PCDH7: variants seen among roughly 807,000 people sequenced by gnomAD.
PCDH7 encodes the protein protocadherin-7.
Under a neutral mutation model 58.9 loss-of-function variants are expected in PCDH7, and 17 were observed. The observed-to-expected ratio is 0.29, with a 90% CI of 0.20 to 0.43. The LOEUF is 0.43. Ranked by LOEUF, PCDH7 falls within the 20% of genes least tolerant of loss-of-function variation. The pLI is 1.00. For synonymous variants in PCDH7, 664 were observed against 616.4 expected, an observed-to-expected ratio of 1.08 and a Z score of -1.14; for missense variants, 1,274 against 1,441.0, an observed-to-expected ratio of 0.88 and a Z score of 1.88.
rs150911064 is a variant in PCDH7, at chr4:31,024,140, A to G, written c.*7+73925A>G. Among the ~76,000 whole-genome samples, 794 of 152,308 alleles carry G rather than the reference A, an allele frequency of 5.2e-3. 4 individuals are homozygous for G. Among genetic ancestry groups the G allele is most frequent in the Middle Eastern group, 0.027 (8 of 294 alleles). Reference sequence around the variant, plus strand: ...GTGTTTGAGGAAAGATATACTCCAGAAAAGTGGAGTGGAATAGAGAACTGT... The same window carrying G: ...GTGTTTGAGGAAAGATATACTCCAGGAAAGTGGAGTGGAATAGAGAACTGT... On this transcript the variant is annotated intron_variant, in intron 3 of 3. Coordinates refer to the PCDH7 transcript ENST00000509759.
chr4:31,094,329 T>C (rs1384005621), intron 3 of PCDH7, among the ~76,000 whole-genome samples: 1 of 152,192 alleles, frequency 6.6e-6, no homozygotes, highest in East Asian at 1.9e-4. Flanking sequence ...TGAACCCCCA[T>C]CCATTTAGAT....
At chr4:30,920,037 A>C in intron 1 of PCDH7, 116 bp from the exon 2 acceptor site, 1 of 622,378 alleles carries the variant, frequency 1.6e-6, no homozygotes, top group Admixed American at 3.2e-5. Flanking sequence ...ATATCTATTC[A>C]TTTTGTATTG....
At chr4:30,907,710 G>T (rs1232175252) in intron 1 of PCDH7, among the ~76,000 whole-genome samples, 1 of 152,060 alleles carries the variant, frequency 6.6e-6, no homozygotes, top group Non-Finnish European at 1.5e-5. Flanking sequence ...CAAGGATCTG[G>T]AACTAGAATT....
intron 1 of PCDH7, among the ~76,000 whole-genome samples, chr4:30,774,373 A>G (rs1721800937): frequency 6.6e-6 from 1 of 152,194 alleles, no homozygotes; most frequent in Non-Finnish European, 1.5e-5. Flanking sequence ...GTATTACTAA[A>G]TAATAAGTTT....
chr4:31,120,069 T>C (rs997836173), intron 3 of PCDH7, among the ~76,000 whole-genome samples: 1 of 152,066 alleles, frequency 6.6e-6, no homozygotes, highest in Non-Finnish European at 1.5e-5. Flanking sequence ...CTGACTTTCC[T>C]GGTGGGGTGT....
chr4:30,865,589 G>A (rs1439421291), intron 1 of PCDH7, among the ~76,000 whole-genome samples: 6 of 152,054 alleles, frequency 3.9e-5, no homozygotes, highest in Admixed American at 3.3e-4. Flanking sequence ...TAGGCCCTGA[G>A]ATGACAGTTG....
At chr4:30,742,456 C>G (rs1456365632) in intron 1 of PCDH7, among the ~76,000 whole-genome samples, 1 of 152,076 alleles carries the variant, frequency 6.6e-6, no homozygotes, top group African/African-American at 2.4e-5. Context: ...TTCGAAAAAA[C>G]AAATTGATCC....
intron 3 of PCDH7, among the ~76,000 whole-genome samples, chr4:31,067,044 T>C (rs1164169435): frequency 6.6e-6 from 1 of 151,942 alleles, no homozygotes; most frequent in African/African-American, 2.4e-5. Flanking sequence ...GGCCTGGGCT[T>C]TATTCCTTTC....
intron 3 of PCDH7, among the ~76,000 whole-genome samples, chr4:31,129,796 A>AT (rs1461423497): frequency 6.6e-6 from 1 of 151,692 alleles, no homozygotes; most frequent in Non-Finnish European, 1.5e-5. Flanking sequence ...ACCCAGATAA[A>AT]TTTTGTATTT....
chr4:30,979,992 T>A (rs1174248726), intron 3 of PCDH7, among the ~76,000 whole-genome samples: 2 of 152,208 alleles, frequency 1.3e-5, no homozygotes, highest in African/African-American at 4.8e-5. Flanking sequence ...AAGGAATTTT[T>A]GTCACAGTGA....
intron 3 of PCDH7, among the ~76,000 whole-genome samples, chr4:30,982,817 A>T (rs944768844): frequency 6.6e-6 from 1 of 152,156 alleles, no homozygotes; most frequent in Non-Finnish European, 1.5e-5. Context: ...CGGGAAGAAC[A>T]CTTGAATCTA....
intron 1 of PCDH7, among the ~76,000 whole-genome samples, chr4:30,912,225 T>G (rs1324943749): frequency 6.6e-6 from 1 of 152,170 alleles, no homozygotes; most frequent in Non-Finnish European, 1.5e-5. Flanking sequence ...AAGGCCTAAC[T>G]AAAGTTTGTT....
intron 3 of PCDH7, among the ~76,000 whole-genome samples, chr4:30,964,299 T>A (rs1305378796): frequency 1.3e-5 from 2 of 151,370 alleles, no homozygotes; most frequent in Non-Finnish European, 2.9e-5. Context: ...TGGAGTGCAG[T>A]GGCCTGATCT....
chr4:31,020,608 G>GA (rs1332713991), intron 3 of PCDH7, among the ~76,000 whole-genome samples: 1 of 151,792 alleles, frequency 6.6e-6, no homozygotes, highest in Non-Finnish European at 1.5e-5. Flanking sequence ...TAAAAAGCAA[G>GA]AAAAAAAAGT....
At chr4:31,028,364 G>T (rs1330402223) in intron 3 of PCDH7, among the ~76,000 whole-genome samples, 1 of 152,174 alleles carries the variant, frequency 6.6e-6, no homozygotes, top group East Asian at 1.9e-4. Flanking sequence ...CAGAATAGAG[G>T]AAGTTAAGTG....
chr4:30,835,671 A>G (rs1006209778), intron 1 of PCDH7, among the ~76,000 whole-genome samples: 5 of 152,134 alleles, frequency 3.3e-5, no homozygotes, highest in African/African-American at 1.2e-4. Context: ...TGATGATTCT[A>G]TCAGTTGAAA....
intron 1 of PCDH7, among the ~76,000 whole-genome samples, chr4:30,867,014 T>C (rs1734966303): frequency 6.6e-6 from 1 of 152,112 alleles, no homozygotes; most frequent in Non-Finnish European, 1.5e-5. Flanking sequence ...CTAAGGTTCA[T>C]GGTGTAGAAA....
At chr4:30,881,150 G>A (rs1188992864) in intron 1 of PCDH7, among the ~76,000 whole-genome samples, 1 of 152,034 alleles carries the variant, frequency 6.6e-6, no homozygotes, top group African/African-American at 2.4e-5. Flanking sequence ...CAAGGTAAAT[G>A]GGGAAACAAA....
chr4:31,023,124 A>G (rs2109172590), intron 3 of PCDH7, among the ~76,000 whole-genome samples: 1 of 152,298 alleles, frequency 6.6e-6, no homozygotes. Flanking sequence ...GAATTTAAGG[A>G]GATAGTGGGC....
Sources: allele counts gnomAD v4.1 joint callset (sites outside exome capture counted in the v4.1 genomes callset), GRCh38; gene constraint gnomAD v4.1.1; transcripts MANE v1.5; gene names NCBI Gene and HGNC (gene_info 2026-07-23, HGNC 2026-07-21).